The following RIT2 variants were observed in gnomAD, a reference collection of about 807,000 sequenced individuals.
RIT2 encodes the protein Ras like without CAAX 2, also known as GTP-binding protein Rit2.
RIT2 carries 24 observed loss-of-function variants against 23.7 expected under a neutral mutation model. That is an observed-to-expected ratio of 1.01 (90% CI 0.73 to 1.43). RIT2 has a LOEUF of 1.43. Ranked by LOEUF, RIT2 falls within the 40% of genes most tolerant of loss-of-function variation. The pLI is 0.00. For missense variants in RIT2, 236 were observed against 266.9 expected (o/e 0.88, Z 0.81); for synonymous variants, 107 against 91.1 (o/e 1.17, Z -0.99).
At position 42,777,594 on chromosome 18, in the gene RIT2, TG is replaced by T. The variant is rs1913704330; in HGVS notation, c.427-33875del. On this transcript the variant is annotated intron_variant, in intron 4 of 4. Coordinates refer to ENST00000326695, the MANE Select transcript of RIT2 (RefSeq NM_002930.4). ...ATTGCTGCTGATATGTCAAGTAAAATGGGATTTAATATGTTGGAGTTCATTG... is the reference window on the plus strand; with the variant it reads ...ATTGCTGCTGATATGTCAAGTAAAATGGATTTAATATGTTGGAGTTCATTG... Among the ~76,000 whole-genome samples the T allele has an allele frequency of 6.6e-5, 10 of 152,228 alleles. No individual in the cohort carries two copies. In the South Asian group the frequency reaches 2.1e-3, roughly 32 times the overall value.
rs146516085 is a variant in RIT2 at position 43,093,487 on chromosome 18, C to A, written c.103+21930G>T. On this transcript the variant is annotated intron_variant, in intron 1 of 4. Coordinates refer to ENST00000326695, the MANE Select transcript of RIT2 (RefSeq NM_002930.4). ...GCAATTTATTGTTATAGACCTAGTTCTTTTATTTATTCCCCCTTTGTTTTT... is the reference window on the plus strand; with the variant it reads ...GCAATTTATTGTTATAGACCTAGTTATTTTATTTATTCCCCCTTTGTTTTT... Among the ~76,000 whole-genome samples the A allele has an allele frequency of 1.6e-3, 236 of 150,648 alleles. 1 individual carries two copies. Among genetic ancestry groups the A allele is most frequent in the African/African-American group, 5.4e-3 (224 of 41,322 alleles).
intron 1 of RIT2, among the ~76,000 whole-genome samples, chr18:43,087,758 T>C (rs1913320124): frequency 6.6e-6 from 1 of 152,156 alleles, no homozygotes; most frequent in African/African-American, 2.4e-5. Context: ...ACAATATTTC[T>C]TTTTCAACCA....
intron 4 of RIT2, among the ~76,000 whole-genome samples, chr18:42,833,611 A>G (rs1158795500): frequency 9.2e-5 from 14 of 152,210 alleles, no homozygotes; most frequent in Admixed American, 6.5e-4. Flanking sequence ...ACTTGCACCA[A>G]AGATCAAGTA....
chr18:42,843,572 A>G (rs1409295197), intron 4 of RIT2, among the ~76,000 whole-genome samples: 3 of 152,194 alleles, frequency 2.0e-5, no homozygotes, highest in Non-Finnish European at 4.4e-5. Context: ...GAGATTTTAT[A>G]CCTCTCTCCA....
intron 4 of RIT2, among the ~76,000 whole-genome samples, chr18:42,863,157 A>G (rs1907375144): frequency 6.6e-6 from 1 of 152,144 alleles, no homozygotes; most frequent in South Asian, 2.1e-4. Context: ...AATTGTGATC[A>G]TCCTCTGGTC....
chr18:43,006,579 A>G (rs1911233263), intron 2 of RIT2, among the ~76,000 whole-genome samples: 1 of 151,720 alleles, frequency 6.6e-6, no homozygotes, highest in Non-Finnish European at 1.5e-5. Flanking sequence ...TTAAGTAGAA[A>G]GAGCTCAAGA....
intron 3 of RIT2, among the ~76,000 whole-genome samples, chr18:42,927,878 G>T (rs1909222978): frequency 6.6e-6 from 1 of 151,954 alleles, no homozygotes; most frequent in Non-Finnish European, 1.5e-5. Flanking sequence ...AATTTTTGAT[G>T]TATCTCATAT....
chr18:43,104,461 A>C (rs1913761535), intron 1 of RIT2, among the ~76,000 whole-genome samples: 1 of 152,192 alleles, frequency 6.6e-6, no homozygotes. Flanking sequence ...TAAATGTTTG[A>C]GGTGATAGAT....
At chr18:42,794,003 T>C (rs1914099424) in intron 4 of RIT2, among the ~76,000 whole-genome samples, 1 of 152,194 alleles carries the variant, frequency 6.6e-6, no homozygotes, top group Non-Finnish European at 1.5e-5. Flanking sequence ...ATTAACTTTT[T>C]TTTTTTCCTG....
intron 4 of RIT2, among the ~76,000 whole-genome samples, chr18:42,902,044 C>T (rs1908489372): frequency 6.6e-6 from 1 of 151,820 alleles, no homozygotes; most frequent in Non-Finnish European, 1.5e-5. Flanking sequence ...TGTCACAAAT[C>T]ACTAATTTTG....
chr18:42,926,507 G>A (rs756582278), intron 3 of RIT2, among the ~76,000 whole-genome samples: 3 of 151,938 alleles, frequency 2.0e-5, no homozygotes, highest in Admixed American at 6.6e-5. Flanking sequence ...AAGAAAAAGA[G>A]TAAAGCATTT....
intron 1 of RIT2, among the ~76,000 whole-genome samples, chr18:43,068,675 G>T (rs182741813): frequency 6.6e-6 from 1 of 152,170 alleles, no homozygotes; most frequent in Admixed American, 6.5e-5. Context: ...TCTGCACAAT[G>T]TCTTCACAGT....
rs556983208 is a variant in RIT2, at chr18:42,937,011, TAAAAA to T, written c.235-13253_235-13249del. 6.3e-3 allele frequency among the ~76,000 whole-genome samples: 840 copies of T among 134,278 alleles called. 2 individuals are homozygous for T. The highest frequency in any genetic ancestry group is 0.012 in the South Asian group (52 of 4,238). The allele number at this position is 134,278 out of a possible 152,430, so 88.1% of individuals were successfully genotyped here. On this transcript the variant is annotated intron_variant, in intron 3 of 4. Transcript: ENST00000326695. ...TGGGCAACAAGAGCAAAACTCAACT[TAAAAA>T]AAAAAAAAAAGGAGAGAGAGAATGT...
chr18:42,934,034 A>G (rs1364000175), intron 3 of RIT2, among the ~76,000 whole-genome samples: 3 of 40,974 alleles, frequency 7.3e-5, no homozygotes, highest in African/African-American at 1.7e-4. Context: ...AAAAAAAAAA[A>G]AAAAGAAAAA....
intron 4 of RIT2, among the ~76,000 whole-genome samples, chr18:42,915,194 T>C (rs1908876232): frequency 6.6e-6 from 1 of 150,742 alleles, no homozygotes; most frequent in South Asian, 2.1e-4. Flanking sequence ...ACCATGCACT[T>C]GATTATCGAG....
chr18:43,023,476 G>T (rs1419801140), intron 2 of RIT2, among the ~76,000 whole-genome samples: 4 of 151,912 alleles, frequency 2.6e-5, no homozygotes, highest in African/African-American at 9.7e-5. Context: ...TCCTGCTAAG[G>T]ATATCAAAAT....
At chr18:43,014,014 G>T (rs913426241) in intron 2 of RIT2, among the ~76,000 whole-genome samples, 3 of 151,726 alleles carry the variant, frequency 2.0e-5, no homozygotes, top group African/African-American at 7.3e-5. Flanking sequence ...TCCGCTGCTG[G>T]GTAAGGCTCT....
intron 1 of RIT2, among the ~76,000 whole-genome samples, chr18:43,075,080 A>G (rs1052216929): frequency 6.6e-6 from 1 of 152,194 alleles, no homozygotes; most frequent in Non-Finnish European, 1.5e-5. Flanking sequence ...AAAAATTTTA[A>G]AAGACTCTTT....
chr18:42,855,340 T>G (rs1181101643), intron 4 of RIT2, among the ~76,000 whole-genome samples: 1 of 152,122 alleles, frequency 6.6e-6, no homozygotes, highest in Non-Finnish European at 1.5e-5. Flanking sequence ...TATAAGAGAT[T>G]AAGAGGTAAA....
Sources: gnomAD v4.1 joint callset for allele counts (sites outside exome capture counted in the v4.1 genomes callset) on GRCh38, gnomAD v4.1.1 for gene constraint, MANE v1.5 for transcripts, NCBI Gene and HGNC (gene_info 2026-07-23, HGNC 2026-07-21) for gene names.